CNOT4: variants seen among roughly 807,000 people sequenced by gnomAD.
CNOT4 encodes the protein CCR4-NOT transcription complex subunit 4, also known as CCR4-associated factor 4.
A neutral mutation model predicts 73.8 loss-of-function variants in CNOT4; 8 were observed. The observed-to-expected ratio is 0.11, with a 90% CI of 0.06 to 0.20. The LOEUF (loss-of-function observed/expected upper bound fraction) is 0.20. CNOT4 is among the 10% of genes least tolerant of loss of function. The pLI, the probability that CNOT4 is intolerant of heterozygous loss-of-function variation, is 1.00. For missense variants in CNOT4, 564 were observed against 883.4 expected, an observed-to-expected ratio of 0.64 and a Z score of 4.58; for synonymous variants, 293 against 321.1, an observed-to-expected ratio of 0.91 and a Z score of 0.94.
In CNOT4 at chr7:135,457,907, T is replaced by G. The variant is rs554757888; in HGVS notation, c.-92-19484A>C. 3.9e-5 allele frequency among the ~76,000 whole-genome samples: 6 copies of G among 152,234 alleles called. No individual in the cohort carries two copies. The South Asian group carries it at 1.2e-3, about 32-fold the overall frequency. Reference sequence around the variant, plus strand: ...GGAATTTGGTCTCCCCCACTCTTAATGCAATCAACATTTCTCCTTTGTGTA... The same window carrying G: ...GGAATTTGGTCTCCCCCACTCTTAAGGCAATCAACATTTCTCCTTTGTGTA... On this transcript the variant is annotated intron_variant, in intron 1 of 11. Transcript: ENST00000541284.
rs1234932113 is a variant in CNOT4, at chr7:135,415,270, A to C, written c.373-8T>G. On this transcript the variant is annotated splice_polypyrimidine_tract_variant and splice_region_variant and intron_variant, in intron 3 of 11. Coordinates refer to ENST00000541284, the MANE Select transcript of CNOT4 (RefSeq NM_001190850.2). The stretch of plus-strand genomic sequence containing the variant: ...TTCTGGTCGTTTTAAAACCTATAAA[A>C]GAAGAAGAAATAAGGTATAAACTGT... 6.9e-7 allele frequency: 1 copy of C among 1,452,938 alleles called. No individual in the cohort carries two copies. The highest frequency in any genetic ancestry group is 9.7e-7 in the Non-Finnish European group (1 of 1,034,466). 90.0% of individuals were successfully genotyped at this position (1,452,938 alleles called of 1,614,324 possible). A position where few individuals can be genotyped will look rare whatever the true frequency, so the allele number is the denominator to read the frequency against.
intron 10 of CNOT4, among the ~76,000 whole-genome samples, chr7:135,385,468 C>A (rs1472724258): frequency 6.6e-6 from 1 of 152,150 alleles, no homozygotes; most frequent in African/African-American, 2.4e-5. Flanking sequence ...GAACACTGTA[C>A]AAATAGGAGT....
At chr7:135,415,035 C>A in intron 4 of CNOT4, 141 bp downstream of exon 4, 4 of 625,190 alleles carry the variant, frequency 6.4e-6, no homozygotes, top group South Asian at 2.2e-5. Flanking sequence ...AAATCCCCCA[C>A]CCCACCAACA....
At chr7:135,468,825 T>C (rs781445079) in intron 1 of CNOT4, among the ~76,000 whole-genome samples, 12 of 152,318 alleles carry the variant, frequency 7.9e-5, no homozygotes, top group Admixed American at 1.3e-4. Context: ...CAAACCCTTA[T>C]GCCTTACTCT....
chr7:135,400,702 A>G (rs1256597421), intron 7 of CNOT4, among the ~76,000 whole-genome samples: 1 of 152,112 alleles, frequency 6.6e-6, no homozygotes, highest in Non-Finnish European at 1.5e-5. Context: ...CTGATTCATA[A>G]TACTTTATGC....
chr7:135,426,838 G>A (rs1020028700), intron 2 of CNOT4, among the ~76,000 whole-genome samples: 3 of 151,098 alleles, frequency 2.0e-5, no homozygotes, highest in South Asian at 2.1e-4. Flanking sequence ...CAGGAGAATC[G>A]CTTGAACCCG....
intron 1 of CNOT4, among the ~76,000 whole-genome samples, chr7:135,463,303 C>T (rs1454652604): frequency 1.3e-5 from 2 of 152,044 alleles, no homozygotes; most frequent in East Asian, 1.9e-4. Context: ...TTTGGGAGGC[C>T]GAGGCGAGTA....
rs1585653225 is a variant in CNOT4, at chr7:135,444,608, A to G, written c.-92-6185T>C. The G allele has an allele frequency of 2.3e-6, 3 of 1,316,606 alleles. No individual in the cohort carries two copies. The African/African-American group carries it at 4.3e-5, about 19-fold the overall frequency. 81.6% of individuals were successfully genotyped at this position (1,316,606 alleles called of 1,614,324 possible). A position where few individuals can be genotyped will look rare whatever the true frequency, so the allele number is the denominator to read the frequency against. ...GTGGAGTACAGCACATACACTTGTC[A>G]CCGAGCCACCATTCTGGTTCCAAGG... On this transcript the variant is annotated intron_variant, in intron 1 of 11. Coordinates refer to ENST00000541284, the MANE Select transcript of CNOT4 (RefSeq NM_001190850.2).
intron 10 of CNOT4, among the ~76,000 whole-genome samples, chr7:135,391,561 G>GT (rs1230646351): frequency 1.1e-4 from 16 of 152,100 alleles, no homozygotes; most frequent in African/African-American, 3.6e-4. Flanking sequence ...ATGCTCTATG[G>GT]TTGAGTATAT....
In CNOT4 at chr7:135,417,123, ATAGGTGCAAG is replaced by A. The variant is rs140755848; in HGVS notation, c.373-1871_373-1862del. On this transcript the variant is annotated intron_variant, in intron 3 of 11. Coordinates refer to ENST00000541284, the MANE Select transcript of CNOT4 (RefSeq NM_001190850.2). ...GTTGTCACAGTCCATGATTTTACAA[ATAGGTGCAAG>A]TATCTTACTTCTTTATTACATAGGA... is the stretch of plus-strand genomic sequence containing the variant. 2.2e-3 allele frequency among the ~76,000 whole-genome samples: 335 copies of A among 152,300 alleles called. 10 individuals are homozygous for A. In the East Asian group the frequency reaches 0.053, roughly 24 times the overall value.
rs770148890 is a variant in CNOT4, at chr7:135,362,707, A to G, written c.*178T>C. ...ATCAACAAAAATTTTTACAATTAAT[A>G]AAGAGATGGTAATGACCCTGTGATC... On this transcript the variant is annotated 3_prime_UTR_variant, in exon 12 of 12. Coordinates refer to ENST00000541284, the MANE Select transcript of CNOT4 (RefSeq NM_001190850.2). 76 of 762,414 alleles carry G rather than the reference A, an allele frequency of 1.0e-4. No individual in the cohort carries two copies. Among genetic ancestry groups the G allele is most frequent in the Non-Finnish European group, 1.8e-4 (74 of 419,644 alleles). The allele number at this position is 762,414 out of a possible 1,614,324, so 47.2% of individuals were successfully genotyped here. A position where few individuals can be genotyped will look rare whatever the true frequency, so the allele number is the denominator to read the frequency against.
intron 8 of CNOT4, 44 bp downstream of exon 8, chr7:135,398,125 G>A (rs1218605521): frequency 1.0e-5 from 11 of 1,069,028 alleles, no homozygotes; most frequent in Admixed American, 1.8e-5. Context: ...CCTTGCTTTC[G>A]GAGTATGGCA....
chr7:135,411,279 A>G (rs1797574959), intron 6 of CNOT4, among the ~76,000 whole-genome samples: 2 of 152,066 alleles, frequency 1.3e-5, no homozygotes, highest in African/African-American at 4.8e-5. Flanking sequence ...GCCTGTTTTT[A>G]TAAATAAAGT....
At chr7:135,495,358 A>G (rs1367226346) in intron 1 of CNOT4, among the ~76,000 whole-genome samples, 1 of 151,972 alleles carries the variant, frequency 6.6e-6, no homozygotes, top group Non-Finnish European at 1.5e-5. Context: ...TACAAAAATT[A>G]GCCGGGTATG....
At chr7:135,476,446 A>G (rs1053942727) in intron 1 of CNOT4, among the ~76,000 whole-genome samples, 2 of 152,262 alleles carry the variant, frequency 1.3e-5, no homozygotes, top group Admixed American at 6.5e-5. Context: ...CGAAAACTAT[A>G]AAACACTAAT....
At chr7:135,422,053 T>A (rs1386429166) in intron 3 of CNOT4, 103 bp downstream of exon 3, 1 of 689,144 alleles carries the variant, frequency 1.5e-6, no homozygotes, top group Non-Finnish European at 2.6e-6. Context: ...CAAGATATAA[T>A]GTGTTCAGAG....
intron 1 of CNOT4, among the ~76,000 whole-genome samples, chr7:135,470,414 A>G (rs1196959331): frequency 6.6e-6 from 1 of 152,114 alleles, no homozygotes; most frequent in Non-Finnish European, 1.5e-5. Context: ...TACAGATGTA[A>G]GCTACCATGC....
At chr7:135,474,811 T>C (rs930230970) in intron 1 of CNOT4, among the ~76,000 whole-genome samples, 2 of 152,192 alleles carry the variant, frequency 1.3e-5, no homozygotes, top group Non-Finnish European at 2.9e-5. Context: ...TTAAAGGAAG[T>C]ATATTAAAAT....
chr7:135,487,542 A>G (rs1356014619), intron 1 of CNOT4, among the ~76,000 whole-genome samples: 1 of 151,916 alleles, frequency 6.6e-6, no homozygotes, highest in Non-Finnish European at 1.5e-5. Flanking sequence ...ACCAGGTCTA[A>G]TTTTCCGTAC....
Sources: gnomAD v4.1 joint callset for allele counts (sites outside exome capture counted in the v4.1 genomes callset) on GRCh38, gnomAD v4.1.1 for gene constraint, MANE v1.5 for transcripts, NCBI Gene and HGNC (gene_info 2026-07-23, HGNC 2026-07-21) for gene names.